The following PMPCB variants were observed in gnomAD, a reference collection of about 807,000 sequenced individuals.
PMPCB encodes the protein peptidase, mitochondrial processing subunit beta, also known as mitochondrial-processing peptidase subunit beta.
PMPCB carries 46 observed loss-of-function variants against 61.5 expected under a neutral mutation model. The observed-to-expected ratio is 0.75, with a 90% CI of 0.59 to 0.96. The LOEUF (loss-of-function observed/expected upper bound fraction) is 0.96, where lower values mean the gene tolerates loss of function less well. Among genes scored for constraint, PMPCB ranks in the 40% least tolerant of loss-of-function variants. PMPCB has a pLI of 0.00. For missense variants in PMPCB, 590 were observed against 602.4 expected, an observed-to-expected ratio of 0.98 and a Z score of 0.22; for synonymous variants, 191 against 201.6, an observed-to-expected ratio of 0.95 and a Z score of 0.44.
At chr7:103,317,195 G>A, downstream of PMPCB, 1 of 583,908 alleles carries the variant, frequency 1.7e-6, no homozygotes, top group Non-Finnish European at 3.0e-6. Flanking sequence ...AGTCTGCATA[G>A]GTCTGCCTGA....
At chr7:103,324,618 CAACA>C (rs1563463971) in intron 12 of PMPCB, 3 of 1,290,378 alleles carry the variant, frequency 2.3e-6, no homozygotes, top group Admixed American at 2.9e-5. Context: ...TACAACAGTT[CAACA>C]AACAATTTAA....
At chr7:103,299,660 C>A in intron 3 of PMPCB, 131 bp downstream of exon 3, 1 of 551,958 alleles carries the variant, frequency 1.8e-6, no homozygotes, top group South Asian at 2.8e-5. Context: ...AGGACAGTAT[C>A]TAAAATAAGT....
In PMPCB at chr7:103,304,397, T is replaced by C. The variant is rs754231538; in HGVS notation, c.657-14T>C. The C allele has an allele frequency of 2.0e-6, 3 of 1,469,594 alleles. No homozygotes were observed. The highest frequency in any genetic ancestry group is 1.2e-5 in the South Asian group (1 of 85,392). The allele number at this position is 1,469,594 out of a possible 1,614,324, so 91.0% of individuals were successfully genotyped here. On this transcript the variant is annotated splice_polypyrimidine_tract_variant and intron_variant, in intron 5 of 12. Coordinates refer to ENST00000249269, the MANE Select transcript of PMPCB (RefSeq NM_004279.3). ...TTTTGGTTTCCTTTAAAAATTGTTTTACTTCATTTACAGATCTATAAGTCG... is the reference window on the plus strand; with the variant it reads ...TTTTGGTTTCCTTTAAAAATTGTTTCACTTCATTTACAGATCTATAAGTCG...
chr7:103,333,829 A>C (rs1819063548), downstream of PMPCB, among the ~76,000 whole-genome samples: 1 of 152,196 alleles, frequency 6.6e-6, no homozygotes, highest in South Asian at 2.1e-4. Flanking sequence ...TTGTTCTTTT[A>C]AAAATTGCTG....
At chr7:103,328,872 C>T in intron 12 of PMPCB, 1 of 487,116 alleles carries the variant, frequency 2.1e-6, no homozygotes, top group African/African-American at 2.1e-5. Context: ...ATAAATAATG[C>T]CAATTTGAAT....
chr7:103,297,577 C>T lies in PMPCB; in HGVS notation c.99+19C>T. 6.2e-7 allele frequency: 1 copy of T among 1,612,070 alleles called. No individual in the cohort carries two copies. Among genetic ancestry groups the T allele is most frequent in the Non-Finnish European group, 8.5e-7 (1 of 1,178,972 alleles). On this transcript the variant is annotated intron_variant, in intron 1 of 12. Coordinates refer to ENST00000249269, the MANE Select transcript of PMPCB (RefSeq NM_004279.3). The stretch of plus-strand genomic sequence containing the variant: ...GGGACGGGTGAGCTTCCCTCCAGGC[C>T]GGTCCTGTCCTCGAGATCTCGCCAG...
downstream of PMPCB, among the ~76,000 whole-genome samples, chr7:103,332,279 A>G (rs1482815176): frequency 6.6e-6 from 1 of 152,214 alleles, no homozygotes; most frequent in Non-Finnish European, 1.5e-5. Context: ...TGCTCGGATT[A>G]TAGGCGTGAG....
chr7:103,299,774 T>C (rs533994193), intron 3 of PMPCB, among the ~76,000 whole-genome samples: 1 of 152,318 alleles, frequency 6.6e-6, no homozygotes, highest in African/African-American at 2.4e-5. Context: ...TATTTTTTTT[T>C]ATTTAATTTT....
intron 12 of PMPCB, chr7:103,327,286 A>C: frequency 9.8e-7 from 1 of 1,021,870 alleles, no homozygotes; most frequent in Non-Finnish European, 1.3e-6. Context: ...TCTGAAACGA[A>C]AAAAAAAAAA....
At chr7:103,336,319 A>C in the PMPCB span, 2 of 152,380 alleles carry the variant, frequency 1.3e-5, no homozygotes, top group Admixed American at 6.5e-5. Flanking sequence ...ATTTATCTGT[A>C]CTAAGACATA....
intron 4 of PMPCB, among the ~76,000 whole-genome samples, chr7:103,303,234 A>G (rs543845757): frequency 2.0e-4 from 30 of 152,314 alleles, no homozygotes; most frequent in Non-Finnish European, 4.0e-4. Flanking sequence ...CTCCCATCTC[A>G]GCCTCCCGAG....
At chr7:103,301,599 C>T (rs1174650837) in intron 4 of PMPCB, among the ~76,000 whole-genome samples, 1 of 152,144 alleles carries the variant, frequency 6.6e-6, no homozygotes, top group Non-Finnish European at 1.5e-5. Context: ...GACAGAGCTT[C>T]TGCTAGTGGG....
chr7:103,329,922 A>T (rs1460738403), downstream of PMPCB, among the ~76,000 whole-genome samples: 6 of 152,198 alleles, frequency 3.9e-5, no homozygotes, highest in East Asian at 1.2e-3. Flanking sequence ...CTTATTTAAT[A>T]ACTTAACTCA....
At position 103,302,990 on chromosome 7, in the gene PMPCB, GT is replaced by G. The variant is rs149924270; in HGVS notation, c.458-842del. 3.9e-3 allele frequency among the ~76,000 whole-genome samples: 579 copies of G among 149,072 alleles called. 4 individuals carry two copies. Among genetic ancestry groups the G allele is most frequent in the African/African-American group, 0.014 (566 of 40,774 alleles). On this transcript the variant is annotated intron_variant, in intron 4 of 12. Transcript: ENST00000249269. ...ACTAATTCTTCAAGAATGAAGCACA[GT>G]TTTTTTTTTGGAGAGGTATGCGCTT... is the stretch of plus-strand genomic sequence containing the variant.
chr7:103,332,138 G>A (rs1819000908), downstream of PMPCB, among the ~76,000 whole-genome samples: 1 of 151,796 alleles, frequency 6.6e-6, no homozygotes, highest in African/African-American at 2.4e-5. Context: ...CCGAGTAGCT[G>A]GGACTACAGG....
the PMPCB span, chr7:103,347,484 C>T: frequency 2.2e-6 from 1 of 463,384 alleles, no homozygotes; most frequent in Non-Finnish European, 4.0e-6. Flanking sequence ...GTCTAATATG[C>T]CAGGCGTTTT....
At chr7:103,308,551 C>T (rs1024711411) in intron 7 of PMPCB, among the ~76,000 whole-genome samples, 13 of 151,782 alleles carry the variant, frequency 8.6e-5, no homozygotes, top group South Asian at 2.1e-4. Flanking sequence ...CATGGGAGGC[C>T]GAGGTTGCGG....
rs770437952 is a variant in PMPCB at position 103,307,678 on chromosome 7, T to G, written c.819T>G (p.Ala273=). The change falls in exon 7 of 13, where the codon GCT becomes GCG. Residue 273 remains alanine, a synonymous_variant. Coordinates refer to ENST00000249269, the MANE Select transcript of PMPCB (RefSeq NM_004279.3). ...GCACACACAAAGGAGAAATACCAGC[T>G]CTGCCTCCCTGCAAATTCACAGGAA... The part of the protein sequence containing the change: ...SLCTHKGEIP[A]LPPCKFTGSE... 1.9e-6 allele frequency: 3 copies of G among 1,611,928 alleles called. 1 individual carries two copies. The South Asian group carries it at 3.3e-5, about 18-fold the overall frequency.
At chr7:103,337,815 G>A in the PMPCB span, 1 of 1,605,758 alleles carries the variant, frequency 6.2e-7, no homozygotes, top group Non-Finnish European at 8.5e-7. Context: ...CTTGGTTCTG[G>A]AAAAAAAACA....
Sources: gnomAD v4.1 joint callset for allele counts (sites outside exome capture counted in the v4.1 genomes callset) on GRCh38, gnomAD v4.1.1 for gene constraint, MANE v1.5 for transcripts, NCBI Gene and HGNC (gene_info 2026-07-23, HGNC 2026-07-21) for gene names.